The following HECW1 variants were observed in gnomAD, a reference collection of about 807,000 sequenced individuals.
HECW1 encodes E3 ubiquitin-protein ligase HECW1.
Under a neutral mutation model 182.3 loss-of-function variants are expected in HECW1, and 61 were observed. The observed-to-expected ratio is 0.33, with a 90% CI of 0.27 to 0.41. The LOEUF (loss-of-function observed/expected upper bound fraction) is 0.41, where lower values mean the gene tolerates loss of function less well. Ranked by LOEUF, HECW1 falls within the 10% of genes least tolerant of loss-of-function variation. The probability of loss-of-function intolerance (pLI) is 1.00; values close to 1 mark genes in which losing one functional copy is unlikely to be tolerated. For synonymous variants in HECW1, 859 were observed against 832.6 expected, an observed-to-expected ratio of 1.03 and a Z score of -0.55; for missense variants, 1,739 against 2,108.9, an observed-to-expected ratio of 0.82 and a Z score of 3.44.
chr7:43,229,364 C>T (rs1797691653), intron 2 of HECW1, among the ~76,000 whole-genome samples: 1 of 151,976 alleles, frequency 6.6e-6, no homozygotes, highest in Admixed American at 6.6e-5. Context: ...AGCAAACTAA[C>T]ACAGGAACAG....
intron 5 of HECW1, among the ~76,000 whole-genome samples, chr7:43,348,353 T>C (rs1813955277): frequency 6.6e-6 from 1 of 152,166 alleles, no homozygotes; most frequent in Non-Finnish European, 1.5e-5. Context: ...TGGTATCAGT[T>C]GTAATATCTC....
chr7:43,504,614 C>T (rs2079504326), intron 21 of HECW1, among the ~76,000 whole-genome samples: 1 of 152,210 alleles, frequency 6.6e-6, no homozygotes, highest in South Asian at 2.1e-4. Flanking sequence ...ATTCACCTCA[C>T]AAGGCAGATT....
At chr7:43,134,245 G>T (rs1045575044) in intron 2 of HECW1, among the ~76,000 whole-genome samples, 2 of 151,620 alleles carry the variant, frequency 1.3e-5, no homozygotes, top group Non-Finnish European at 2.9e-5. Flanking sequence ...AATGCAAAAA[G>T]TAGCCGGGCG....
intron 5 of HECW1, among the ~76,000 whole-genome samples, chr7:43,340,753 A>T (rs900584348): frequency 5.3e-5 from 8 of 151,742 alleles, no homozygotes; most frequent in African/African-American, 1.9e-4. Flanking sequence ...CAGTGTGGCG[A>T]TTCCTCAAGG....
At chr7:43,198,809 C>T (rs188360498) in intron 2 of HECW1, among the ~76,000 whole-genome samples, 358 of 152,238 alleles carry the variant, frequency 2.4e-3, no homozygotes, top group African/African-American at 8.1e-3. Flanking sequence ...CACACATCCT[C>T]GCACACCCGC....
intron 24 of HECW1, 69 bp from the exon 25 acceptor site, chr7:43,541,094 A>C (rs2081348294): frequency 4.0e-6 from 5 of 1,236,266 alleles, no homozygotes; most frequent in Non-Finnish European, 6.0e-6. Flanking sequence ...ATCAAATAAA[A>C]GTGCAAACTA....
intron 2 of HECW1, among the ~76,000 whole-genome samples, chr7:43,209,452 T>C (rs550754883): frequency 2.0e-5 from 3 of 152,330 alleles, no homozygotes; most frequent in South Asian, 2.1e-4. Flanking sequence ...CCAATGACTA[T>C]TATTTTATTT....
Position 43,243,740 on chromosome 7 carries a change from T to C in HECW1, c.-31-135T>C, listed in dbSNP as rs1158673641. The C allele has an allele frequency of 2.8e-6, 2 of 708,760 alleles. No homozygotes were observed. Among genetic ancestry groups the C allele is most frequent in the Non-Finnish European group, 2.6e-6 (1 of 383,230 alleles). 43.9% of individuals were successfully genotyped at this position (708,760 alleles called of 1,614,324 possible). On this transcript the variant is annotated intron_variant, in intron 2 of 29. Transcript: ENST00000395891. This position sits in a 1 kb window ranked among gnomAD's most constrained non-coding sequence, Gnocchi z 4.0. ...ATGAGTGTGGTCCTTGTGTGATTTTTCCTTTTGCACGTCGGTTGCCCAGGC... is the reference window on the plus strand; with the variant it reads ...ATGAGTGTGGTCCTTGTGTGATTTTCCCTTTTGCACGTCGGTTGCCCAGGC...
intron 2 of HECW1, among the ~76,000 whole-genome samples, chr7:43,197,536 C>A (rs994767909): frequency 1.3e-5 from 2 of 152,170 alleles, no homozygotes; most frequent in Admixed American, 6.5e-5. Flanking sequence ...GCGATCACTG[C>A]CTCTGCTAAA....
Position 43,508,031 on chromosome 7 carries a change from C to A in HECW1, c.3766C>A (p.Arg1256=). ...TCTCCTTCTCAGGCTCATTATTCGCCGGGATCATTTGTTGGAGGGAACCTT... is the reference window on the plus strand; with the variant it reads ...TCTCCTTCTCAGGCTCATTATTCGCAGGGATCATTTGTTGGAGGGAACCTT... ...GPGKIKLIIR[R]DHLLEGTFNQ... Residue 1256 remains arginine (R), a synonymous_variant, in exon 23 of 30, where the codon CGG becomes AGG. Transcript: ENST00000395891. 7.4e-6 allele frequency: 12 copies of A among 1,613,452 alleles called. No individual in the cohort carries two copies. Among genetic ancestry groups the A allele is most frequent in the South Asian group, 2.2e-5 (2 of 91,056 alleles).
intron 2 of HECW1, among the ~76,000 whole-genome samples, chr7:43,145,918 T>C (rs1290288768): frequency 6.6e-6 from 1 of 152,140 alleles, no homozygotes; most frequent in African/African-American, 2.4e-5. Flanking sequence ...CTGAACGGTG[T>C]TGGTTTTTGC....
intron 2 of HECW1, among the ~76,000 whole-genome samples, chr7:43,137,864 T>C (rs1787732546): frequency 6.6e-6 from 1 of 152,108 alleles, no homozygotes. Flanking sequence ...TCTGCTTTCT[T>C]TATCACCTGT....
intron 19 of HECW1, among the ~76,000 whole-genome samples, chr7:43,496,734 A>G (rs1361364614): frequency 6.6e-6 from 1 of 152,076 alleles, no homozygotes; most frequent in African/African-American, 2.4e-5. Context: ...GCTGGGTTTG[A>G]GTATGTAGAA....
chr7:43,407,763 A>C lies in HECW1; in HGVS notation c.801+32A>C, dbSNP rs781301448. The C allele has an allele frequency of 6.3e-6, 10 of 1,582,474 alleles. No individual in the cohort carries two copies. The South Asian group carries it at 1.1e-4, about 18-fold the overall frequency. On this transcript the variant is annotated intron_variant, in intron 8 of 29. Coordinates refer to ENST00000395891, the MANE Select transcript of HECW1 (RefSeq NM_015052.5). ...GCTGTGGGCCCTGAAAAAAAGCCCAAGTAAAAGTGAAAGGGCTGACTGTGA... is the reference window on the plus strand; with the variant it reads ...GCTGTGGGCCCTGAAAAAAAGCCCACGTAAAAGTGAAAGGGCTGACTGTGA...
chr7:43,297,309 C>T (rs1009590124), intron 3 of HECW1, among the ~76,000 whole-genome samples: 1 of 152,206 alleles, frequency 6.6e-6, no homozygotes, highest in Non-Finnish European at 1.5e-5. Flanking sequence ...CACAATTACA[C>T]TTGTTTGTTT....
Position 43,493,107 on chromosome 7 carries a change from T to C in HECW1, c.3364T>C (p.Phe1122Leu). 6.2e-7 allele frequency: 1 copy of C among 1,613,618 alleles called. No homozygotes were observed. ...AGCATATAATGACAAGATTGTGGCA[T>C]TTCTTCGCCAGCCAAACATTTTTGA... is the stretch of plus-strand genomic sequence containing the variant. ...PLAYNDKIVA[F>L]LRQPNIFEML... The change falls in exon 19 of 30, where the codon TTT becomes CTT. Residue 1122 changes from phenylalanine (F) to leucine (L), a missense_variant. Around this residue, in one of 5 missense-constraint regions of HECW1, gnomAD observed 971 missense variants for 1,029.1 expected, o/e 0.94. Transcript: ENST00000395891.
intron 3 of HECW1, among the ~76,000 whole-genome samples, chr7:43,303,488 C>G (rs1344071093): frequency 6.6e-6 from 1 of 151,984 alleles, no homozygotes; most frequent in African/African-American, 2.4e-5. Flanking sequence ...TAACAAGTTC[C>G]TTGTATTTTA....
At chr7:43,150,939 G>A (rs148859333) in intron 2 of HECW1, 3 of 155,076 alleles carry the variant, frequency 1.9e-5, no homozygotes, top group Middle Eastern at 5.2e-4. Context: ...TTCACTTGGC[G>A]TGGACAACTT....
At chr7:43,373,428 G>A (rs745913237) in intron 6 of HECW1, among the ~76,000 whole-genome samples, 3 of 151,920 alleles carry the variant, frequency 2.0e-5, no homozygotes, top group Non-Finnish European at 2.9e-5. Context: ...AAAGTGCTGG[G>A]ATTACAGGCA....
Sources: allele counts gnomAD v4.1 joint callset (sites outside exome capture counted in the v4.1 genomes callset), GRCh38; gene constraint gnomAD v4.1.1; regional missense constraint gnomAD v4.1.1; non-coding constraint Gnocchi (gnomAD v3.1); transcripts MANE v1.5; gene names NCBI Gene and HGNC (gene_info 2026-07-23, HGNC 2026-07-21).